Variants in ZCCHC10 observed in about 807,000 individuals in gnomAD.
ZCCHC10 encodes the protein zinc finger CCHC-type containing 10.
ZCCHC10 carries 16 observed loss-of-function variants against 19.5 expected under a neutral mutation model. The observed-to-expected ratio is 0.82, with a 90% CI of 0.56 to 1.25. The LOEUF (loss-of-function observed/expected upper bound fraction) is 1.25, where lower values mean the gene tolerates loss of function less well. ZCCHC10 is among the 50% of genes most tolerant of loss of function. The pLI is 0.00. For missense variants in ZCCHC10, 197 were observed against 201.0 expected, an observed-to-expected ratio of 0.98 and a Z score of 0.12; for synonymous variants, 67 against 72.5, an observed-to-expected ratio of 0.92 and a Z score of 0.38.
At chr5:133,020,091 G>A (rs1352382255) in intron 2 of ZCCHC10, among the ~76,000 whole-genome samples, 2 of 152,152 alleles carry the variant, frequency 1.3e-5, no homozygotes, top group Non-Finnish European at 2.9e-5. Context: ...AGCACTTTGG[G>A]AAACAGAGGT....
At chr5:133,022,686 T>G (rs1266203974) in intron 2 of ZCCHC10, among the ~76,000 whole-genome samples, 155 bp downstream of exon 2, 1 of 151,874 alleles carries the variant, frequency 6.6e-6, no homozygotes. Flanking sequence ...CTCTTGACCT[T>G]GTGATCCACC....
rs562714441 is a variant in ZCCHC10, at chr5:133,004,551, G to A, written c.269+2208C>T. On this transcript the variant is annotated intron_variant, in intron 3 of 4. Transcript: ENST00000509437. Reference sequence around the variant, plus strand: ...CACCCGGGCTAGAGTGCAGTGGCGCGATCTCGGCTCCCTTGCAAGCTCCGC... The same window carrying A: ...CACCCGGGCTAGAGTGCAGTGGCGCAATCTCGGCTCCCTTGCAAGCTCCGC... Among the ~76,000 whole-genome samples, 62 of 151,674 alleles carry A rather than the reference G, an allele frequency of 4.1e-4. 1 individual carries two copies. In the South Asian group the frequency reaches 0.011, roughly 28 times the overall value.
chr5:133,011,477 T>G (rs1018183802), intron 2 of ZCCHC10: 1 of 151,458 alleles, frequency 6.6e-6, no homozygotes, highest in Non-Finnish European at 1.5e-5. Flanking sequence ...ACAAAAAAAT[T>G]TAGCTGCGTG....
At chr5:133,007,001 G>A in intron 2 of ZCCHC10, 81 bp from the exon 3 acceptor site, 1 of 1,331,392 alleles carries the variant, frequency 7.5e-7, no homozygotes, top group African/African-American at 1.5e-5. Flanking sequence ...AAATATAAAG[G>A]ATAAAATTAT....
chr5:133,000,525 A>G (rs756008882), intron 3 of ZCCHC10, among the ~76,000 whole-genome samples: 4 of 152,230 alleles, frequency 2.6e-5, no homozygotes, highest in Non-Finnish European at 4.4e-5. Flanking sequence ...CTAATAGCAC[A>G]ATAGCCCTAA....
At chr5:133,004,741 C>T (rs552458076) in intron 3 of ZCCHC10, among the ~76,000 whole-genome samples, 81 of 141,144 alleles carry the variant, frequency 5.7e-4, no homozygotes, top group African/African-American at 1.9e-3. Flanking sequence ...CTGCCTGCCT[C>T]GGCCTCCCAA....
intron 2 of ZCCHC10, among the ~76,000 whole-genome samples, chr5:133,014,154 C>CTTT (rs767551153): frequency 7.7e-4 from 87 of 113,054 alleles, no homozygotes; most frequent in African/African-American, 1.1e-3. Context: ...ACTATTTACT[C>CTTT]TTTTTTTTTT....
chr5:133,009,613 CAA>C (rs59555378), intron 2 of ZCCHC10, among the ~76,000 whole-genome samples: 9 of 55,514 alleles, frequency 1.6e-4, no homozygotes, highest in East Asian at 5.2e-4. Flanking sequence ...GACTCCGTCT[CAA>C]AAAAAAAAAA....
rs752460017 is a variant in ZCCHC10, at chr5:133,022,457, CTT to C, written c.107+382_107+383del. Among the ~76,000 whole-genome samples the C allele has an allele frequency of 1.3e-4, 19 of 141,490 alleles. No individual in the cohort carries two copies. In the South Asian group the frequency reaches 2.7e-3, roughly 20 times the overall value. 92.8% of individuals were successfully genotyped at this position (141,490 alleles called of 152,430 possible). ...GCCTGCATGGTTTGGTATTGTTCAA[CTT>C]TTTTTTTTTTTTTGAGACAGACTCT... On this transcript the variant is annotated intron_variant, in intron 2 of 4. Transcript: ENST00000509437.
intron 3 of ZCCHC10, 54 bp from the exon 4 acceptor site, chr5:133,000,227 C>G (rs1480989867): frequency 1.9e-6 from 3 of 1,596,032 alleles, no homozygotes; most frequent in Admixed American, 3.5e-5. Flanking sequence ...TTATACACAG[C>G]TCAGACAAGC....
At chr5:133,023,953 G>T (rs903958603) in intron 1 of ZCCHC10, among the ~76,000 whole-genome samples, 1 of 151,912 alleles carries the variant, frequency 6.6e-6, no homozygotes, top group Non-Finnish European at 1.5e-5. Flanking sequence ...CTTGGACTTC[G>T]CAAGCCTCTA....
intron 2 of ZCCHC10, chr5:133,019,201 T>C: frequency 2.9e-6 from 1 of 345,092 alleles, no homozygotes; most frequent in South Asian, 2.1e-5. Context: ...GGCAACACTG[T>C]CTCTAAAAAA....
At chr5:133,020,085 C>G (rs961667375) in intron 2 of ZCCHC10, among the ~76,000 whole-genome samples, 1 of 152,138 alleles carries the variant, frequency 6.6e-6, no homozygotes, top group Non-Finnish European at 1.5e-5. Context: ...AATCCCAGCA[C>G]TTTGGGAAAC....
intron 3 of ZCCHC10, among the ~76,000 whole-genome samples, chr5:133,006,007 CAG>C (rs1277083404): frequency 9.2e-6 from 1 of 108,764 alleles, no homozygotes; most frequent in African/African-American, 3.7e-5. Context: ...TTTTTTGAGA[CAG>C]AGTCTCCCTC....
chr5:133,001,953 CTTTTTTTTTT>C (rs34331639), intron 3 of ZCCHC10, among the ~76,000 whole-genome samples: 93 of 77,874 alleles, frequency 1.2e-3, no homozygotes, highest in African/African-American at 2.2e-3. Flanking sequence ...ATTCAGCAAT[CTTTTTTTTTT>C]TTTTTTTTTT....
At position 133,021,264 on chromosome 5, in the gene ZCCHC10, T is replaced by C. The variant is rs188030906; in HGVS notation, c.107+1577A>G. Among the ~76,000 whole-genome samples, 583 of 151,746 alleles carry C rather than the reference T, an allele frequency of 3.8e-3. 2 individuals are homozygous for C. The highest frequency in any genetic ancestry group is 0.011 in the Admixed American group (163 of 15,212). ...CAGGATGGTCTCGATCTCCTGACCT[T>C]GTGATCCGCCCACCTCAGCCTCCCA... On this transcript the variant is annotated intron_variant, in intron 2 of 4. Transcript: ENST00000509437.
At chr5:133,024,845 G>A (rs578121996) in intron 1 of ZCCHC10, among the ~76,000 whole-genome samples, 5 of 152,028 alleles carry the variant, frequency 3.3e-5, no homozygotes, top group Non-Finnish European at 7.4e-5. Flanking sequence ...AGAGGTTGCA[G>A]TGAGCCAAGA....
At chr5:133,023,378 C>T (rs934958940) in intron 1 of ZCCHC10, among the ~76,000 whole-genome samples, 1 of 151,434 alleles carries the variant, frequency 6.6e-6, no homozygotes, top group Non-Finnish European at 1.5e-5. Context: ...AGTAGACTGA[C>T]TAGTTAAGTC....
rs191898111 is a variant in ZCCHC10 at position 133,001,609 on chromosome 5, C to T, written c.270-1436G>A. Among the ~76,000 whole-genome samples, 163 of 152,144 alleles carry T rather than the reference C, an allele frequency of 1.1e-3. 1 individual carries two copies. The highest frequency in any genetic ancestry group is 3.8e-3 in the African/African-American group (156 of 41,490). On this transcript the variant is annotated intron_variant, in intron 3 of 4. Coordinates refer to ENST00000509437, the MANE Select transcript of ZCCHC10 (RefSeq NM_001300816.3). ...CTGGAGTAGCTGGGACTACAACACG[C>T]ACCACCATGCCTAACTTTTGTATTT...
Sources: gnomAD v4.1 joint callset for allele counts (sites outside exome capture counted in the v4.1 genomes callset) on GRCh38, gnomAD v4.1.1 for gene constraint, MANE v1.5 for transcripts, NCBI Gene and HGNC (gene_info 2026-07-23, HGNC 2026-07-21) for gene names.